PCNT: variants seen among roughly 807,000 people sequenced by gnomAD.
PCNT encodes the protein pericentrin.
A neutral mutation model predicts 380.4 loss-of-function variants in PCNT; 319 were observed. The ratio of observed to expected loss-of-function variants is 0.84; its 90% CI spans 0.77 to 0.92. The LOEUF (loss-of-function observed/expected upper bound fraction) is 0.92. Ranked by LOEUF, PCNT falls within the 40% of genes least tolerant of loss-of-function variation. The pLI is 0.00. For missense variants in PCNT, 4,400 were observed against 4,255.3 expected (o/e 1.03, Z -0.95); for synonymous variants, 1,845 against 1,735.2 (o/e 1.06, Z -1.57).
At chr21:46,370,031 G>C (rs527864120) in intron 15 of PCNT, among the ~76,000 whole-genome samples, 22 of 152,344 alleles carry the variant, frequency 1.4e-4, no homozygotes, top group Admixed American at 7.8e-4. Context: ...GCAGCTCCAC[G>C]TGTGTGGTTC....
chr21:46,412,166 C>A, intron 28 of PCNT, 99 bp downstream of exon 28: 1 of 1,379,382 alleles, frequency 7.2e-7, no homozygotes, highest in Non-Finnish European at 9.9e-7. Context: ...CTGGGGGCTG[C>A]AGTTGTCATG....
At position 46,443,843 on chromosome 21, in the gene PCNT, G is replaced by GA. The variant is rs2053676510; in HGVS notation, c.9736dup (p.Thr3246AsnfsTer90). On this transcript the variant is annotated frameshift_variant, in exon 45 of 47. Transcript: ENST00000359568. LOFTEE classifies it high-confidence loss of function. ...GCACGACAGCCGCAGTCTCCACCCA[G>GA]AACCAGAGAGTCCCCCCCAACCCGG... is the stretch of plus-strand genomic sequence containing the variant. 6.2e-7 allele frequency: 1 copy of GA among 1,613,438 alleles called. No homozygotes were observed. The highest frequency in any genetic ancestry group is 1.3e-5 in the African/African-American group (1 of 74,900).
At position 46,412,966 on chromosome 21, in the gene PCNT, C is replaced by G. The variant is rs751776662; in HGVS notation, c.6124C>G (p.Arg2042Gly). ...GCTGCTCTTGGTGAAAAATGAAATG[C>G]GCCTGAGTCTGGAGGACGGCGGCAA... ...SELLLVKNEM[R>G]LSLEDGGKGK... Residue 2042 changes from arginine (R) to glycine (G), a missense_variant, in exon 29 of 47, where the codon CGC becomes GGC. Arg to Gly is a moderately radical substitution (Grantham distance 125). Coordinates refer to ENST00000359568, the MANE Select transcript of PCNT (RefSeq NM_006031.6). The G allele has an allele frequency of 2.5e-6, 4 of 1,608,024 alleles. No individual in the cohort carries two copies.
chr21:46,408,727 T>G (rs2086692319), intron 27 of PCNT, among the ~76,000 whole-genome samples: 1 of 150,034 alleles, frequency 6.7e-6, no homozygotes, highest in Admixed American at 6.6e-5. Flanking sequence ...AAGTTTTTTT[T>G]TTTTTTTTTT....
At chr21:46,410,009 C>T (rs1248002450) in intron 27 of PCNT, among the ~76,000 whole-genome samples, 1 of 152,240 alleles carries the variant, frequency 6.6e-6, no homozygotes, top group Non-Finnish European at 1.5e-5. Context: ...AGTGCGCACC[C>T]CTTGATTCCA....
chr21:46,411,899 G>A lies in PCNT; in HGVS notation c.5826G>A (p.Arg1942=), dbSNP rs536281306. ...AGGTGCTGCACCAGCGGTTCCTGAGGTGCCAGGTGGAGCTGGACAGGCGGC... is the reference window on the plus strand; with the variant it reads ...AGGTGCTGCACCAGCGGTTCCTGAGATGCCAGGTGGAGCTGGACAGGCGGC... ...QLQVLHQRFL[R]CQVELDRRQA... is the part of the protein sequence containing the mutation. The change falls in exon 28 of 47, where the codon AGG becomes AGA. Residue 1942 remains arginine, a synonymous_variant. Coordinates refer to ENST00000359568, the MANE Select transcript of PCNT (RefSeq NM_006031.6). 632 of 1,581,796 alleles carry A rather than the reference G, an allele frequency of 4.0e-4. 6 individuals are homozygous for A. The East Asian group carries it at 0.013, about 32-fold the overall frequency.
In PCNT at chr21:46,326,454, G is replaced by A; in HGVS notation, c.132G>A (p.Ser44=). 2 of 1,614,222 alleles carry A rather than the reference G, an allele frequency of 1.2e-6. No individual in the cohort carries two copies. Among genetic ancestry groups the A allele is most frequent in the South Asian group, 2.2e-5 (2 of 91,088 alleles). ...SEKKTAKRKG[S]AVDASVQEES... Reference sequence around the variant, plus strand: ...AAAAGACGGCGAAGAGGAAGGGCTCGGCTGTCGATGCGTCTGTCCAGGAGG... The same window carrying A: ...AAAAGACGGCGAAGAGGAAGGGCTCAGCTGTCGATGCGTCTGTCCAGGAGG... The change falls in exon 2 of 47, where the codon TCG becomes TCA. Residue 44 remains serine, a synonymous_variant. Coordinates refer to ENST00000359568, the MANE Select transcript of PCNT (RefSeq NM_006031.6).
At chr21:46,429,485 A>C (rs1378843126) in intron 35 of PCNT, among the ~76,000 whole-genome samples, 1 of 132,936 alleles carries the variant, frequency 7.5e-6, no homozygotes. Context: ...CGTGAGGGGC[A>C]TGGGGGTGGT....
At chr21:46,332,750 C>T (rs528355859) in intron 2 of PCNT, among the ~76,000 whole-genome samples, 5 of 152,314 alleles carry the variant, frequency 3.3e-5, no homozygotes, top group African/African-American at 7.2e-5. Context: ...CCCGAAAAGT[C>T]GACACTGTCA....
chr21:46,363,427 A>T, intron 13 of PCNT, 53 bp from the exon 14 acceptor site: 1 of 1,463,980 alleles, frequency 6.8e-7, no homozygotes, highest in Non-Finnish European at 9.5e-7. Flanking sequence ...GTCTCTTCTA[A>T]TAATCTCTTC....
rs777255057 is a variant in PCNT at position 46,430,543 on chromosome 21, C to T, written c.7950C>T (p.Ala2650=). ...GCAGTAAGGAGAACGAGCTGAAGGC[C>T]GCGCTTCAGGAGCTGGAGAGTGAGC... ...MLSSKENELK[A]ALQELESEQG... The change falls in exon 37 of 47, where the codon GCC becomes GCT. Residue 2650 remains alanine, a synonymous_variant. Transcript: ENST00000359568. 2.7e-5 allele frequency: 42 copies of T among 1,554,702 alleles called. No individual in the cohort carries two copies. Among genetic ancestry groups the T allele is most frequent in the East Asian group, 9.7e-5 (4 of 41,384 alleles).
chr21:46,369,196 T>C (rs1449171206), intron 15 of PCNT, among the ~76,000 whole-genome samples: 2 of 152,244 alleles, frequency 1.3e-5, no homozygotes, highest in African/African-American at 4.8e-5. Flanking sequence ...CCTGTCCTTG[T>C]CTTCACCACA....
At position 46,367,192 on chromosome 21, in the gene PCNT, G is replaced by T; in HGVS notation, c.3165+53G>T. The stretch of plus-strand genomic sequence containing the variant: ...CAGGGCAGGCCTCTCCTCGCTGCCT[G>T]TGTGTTTCCACCGCGTGTCACATGT... On this transcript the variant is annotated intron_variant, in intron 15 of 46. Coordinates refer to ENST00000359568, the MANE Select transcript of PCNT (RefSeq NM_006031.6). 2.0e-6 allele frequency: 3 copies of T among 1,490,410 alleles called. No individual in the cohort carries two copies. In the Admixed American group the frequency reaches 5.1e-5, roughly 25 times the overall value. 92.3% of individuals were successfully genotyped at this position (1,490,410 alleles called of 1,614,324 possible).
At position 46,391,528 on chromosome 21, in the gene PCNT, T is replaced by C. The variant is rs1234370431; in HGVS notation, c.4216+152T>C. The C allele has an allele frequency of 5.8e-6, 4 of 688,928 alleles. No homozygotes were observed. In the African/African-American group the frequency reaches 7.2e-5, roughly 12 times the overall value. 42.7% of individuals were successfully genotyped at this position (688,928 alleles called of 1,614,324 possible). On this transcript the variant is annotated intron_variant, in intron 21 of 46. Coordinates refer to ENST00000359568, the MANE Select transcript of PCNT (RefSeq NM_006031.6). ...TCCTGGAACACTGGGCATGGGAAGCTTGTGCGGATCAGGTGAGGCATCCAC... is the reference window on the plus strand; with the variant it reads ...TCCTGGAACACTGGGCATGGGAAGCCTGTGCGGATCAGGTGAGGCATCCAC...
intron 35 of PCNT, 152 bp downstream of exon 35, chr21:46,428,742 G>A (rs1344581325): frequency 1.3e-6 from 1 of 761,160 alleles, no homozygotes; most frequent in Admixed American, 2.2e-5. Flanking sequence ...ATAGGACTGA[G>A]CAGAAAGGAC....
At position 46,428,401 on chromosome 21, in the gene PCNT, C is replaced by G; in HGVS notation, c.7501C>G (p.Leu2501Val). 1 of 1,612,292 alleles carries G rather than the reference C, an allele frequency of 6.2e-7. No homozygotes were observed. Among genetic ancestry groups the G allele is most frequent in the South Asian group, 1.1e-5 (1 of 90,912 alleles). Residue 2501 changes from leucine to valine, a missense_variant, in exon 35 of 47, where the codon CTG (leucine) becomes GTG (valine). Coordinates refer to ENST00000359568, the MANE Select transcript of PCNT (RefSeq NM_006031.6). Reference sequence around the variant, plus strand: ...TGTCCCATTGTGCCCCCAGGGAGACCTGCAGGAAAAGTCCCTGGAGCATCT... The same window carrying G: ...TGTCCCATTGTGCCCCCAGGGAGACGTGCAGGAAAAGTCCCTGGAGCATCT... ...LEKIIREQGD[L>V]QEKSLEHLRL...
In PCNT at chr21:46,382,691, G is replaced by A. The variant is rs1389711422; in HGVS notation, c.3312+851G>A. Among the ~76,000 whole-genome samples, 123 of 129,824 alleles carry A rather than the reference G, an allele frequency of 9.5e-4. 15 individuals are homozygous for A. The highest frequency in any genetic ancestry group is 3.7e-4 in the Non-Finnish European group (23 of 62,508). 85.2% of individuals were successfully genotyped at this position (129,824 alleles called of 152,430 possible). On this transcript the variant is annotated intron_variant, in intron 16 of 46. Coordinates refer to ENST00000359568, the MANE Select transcript of PCNT (RefSeq NM_006031.6). ...ACGGTGTGCGTTCAGTGGCGGAAGCGCATTCACAGTGTTGTATATTCAGTG... is the reference window on the plus strand; with the variant it reads ...ACGGTGTGCGTTCAGTGGCGGAAGCACATTCACAGTGTTGTATATTCAGTG...
At chr21:46,390,186 G>A (rs4819244) in intron 19 of PCNT, among the ~76,000 whole-genome samples, 18,294 of 152,218 alleles carry the variant, frequency 0.12, 1,231 homozygotes, top group South Asian at 0.21. Context: ...GGTGGCATGC[G>A]TCTGCGGTCC....
chr21:46,431,490 T>A, intron 37 of PCNT, 39 bp from the exon 38 acceptor site: 1 of 1,613,738 alleles, frequency 6.2e-7, no homozygotes, highest in Non-Finnish European at 8.5e-7. Flanking sequence ...ACTTTTCCTC[T>A]TGATTCAGTG....
Sources: gnomAD v4.1 joint callset for allele counts (sites outside exome capture counted in the v4.1 genomes callset) on GRCh38, gnomAD v4.1.1 for gene constraint, MANE v1.5 for transcripts, NCBI Gene and HGNC (gene_info 2026-07-23, HGNC 2026-07-21) for gene names.